Variants in CTNNA3 observed in about 807,000 individuals in gnomAD.
The protein encoded by CTNNA3 is catenin alpha 3.
CTNNA3 carries 76 observed loss-of-function variants against 95.7 expected under a neutral mutation model. That is an observed-to-expected ratio of 0.79 (90% CI 0.66 to 0.96). The LOEUF is 0.96. Ranked by LOEUF, CTNNA3 falls within the 40% of genes least tolerant of loss-of-function variation. The probability of loss-of-function intolerance (pLI) is 0.00; values close to 1 mark genes in which losing one functional copy is unlikely to be tolerated. For missense variants in CTNNA3, 1,191 were observed against 1,089.8 expected, an observed-to-expected ratio of 1.09 and a Z score of -1.31; for synonymous variants, 431 against 374.4, an observed-to-expected ratio of 1.15 and a Z score of -1.74.
At chr10:67,672,468 T>C (rs976782106) in intron 1 of CTNNA3, among the ~76,000 whole-genome samples, 1 of 152,218 alleles carries the variant, frequency 6.6e-6, no homozygotes, top group African/African-American at 2.4e-5. Context: ...GCCTAGGTTT[T>C]CTTCTAGGGT....
At chr10:66,507,717 T>C (rs1840500547) in intron 11 of CTNNA3, among the ~76,000 whole-genome samples, 1 of 152,126 alleles carries the variant, frequency 6.6e-6, no homozygotes, top group African/African-American at 2.4e-5. Flanking sequence ...TGTGTATATA[T>C]ATATATATTA....
chr10:67,487,440 C>A (rs778612645), intron 5 of CTNNA3, among the ~76,000 whole-genome samples: 1 of 152,098 alleles, frequency 6.6e-6, no homozygotes, highest in South Asian at 2.1e-4. Context: ...CTCTCAACTT[C>A]TGGCTGAGTC....
chr10:66,731,540 G>A lies in CTNNA3; in HGVS notation c.1281+34724C>T, dbSNP rs558062612. 2.6e-5 allele frequency among the ~76,000 whole-genome samples: 4 copies of A among 152,164 alleles called. No homozygotes were observed. In the South Asian group the frequency reaches 8.3e-4, roughly 32 times the overall value. ...CATTTTATCTGTAAACTGCTGCAAA[G>A]CTGTTAATAGCTAAGGACCTACAAC... On this transcript the variant is annotated intron_variant, in intron 9 of 17. Coordinates refer to ENST00000433211, the MANE Select transcript of CTNNA3 (RefSeq NM_013266.4).
chr10:66,204,955 T>C (rs2087667035), intron 13 of CTNNA3, among the ~76,000 whole-genome samples: 1 of 152,136 alleles, frequency 6.6e-6, no homozygotes, highest in South Asian at 2.1e-4. Flanking sequence ...TCCACAGAAT[T>C]AAGCTAAGAA....
intron 4 of CTNNA3, among the ~76,000 whole-genome samples, chr10:67,534,921 A>G (rs1190172706): frequency 6.6e-6 from 1 of 152,152 alleles, no homozygotes; most frequent in Admixed American, 6.5e-5. Context: ...GAGCAAGAAG[A>G]ACCCAGCAAC....
chr10:67,194,917 A>G (rs1863278797), intron 6 of CTNNA3, among the ~76,000 whole-genome samples: 1 of 151,952 alleles, frequency 6.6e-6, no homozygotes, highest in African/African-American at 2.4e-5. Flanking sequence ...TATTACAGAA[A>G]AGTCTTCTAG....
chr10:66,659,328 G>A (rs1377513288), intron 9 of CTNNA3, among the ~76,000 whole-genome samples: 1 of 152,124 alleles, frequency 6.6e-6, no homozygotes, highest in Non-Finnish European at 1.5e-5. Flanking sequence ...AGGTCTCTCT[G>A]AGGAGGTAAC....
intron 5 of CTNNA3, among the ~76,000 whole-genome samples, chr10:67,347,251 A>T (rs1465916112): frequency 6.6e-6 from 1 of 151,744 alleles, no homozygotes; most frequent in Admixed American, 6.6e-5. Context: ...TTTTGTAGAG[A>T]TGGGGTTTCA....
intron 7 of CTNNA3, among the ~76,000 whole-genome samples, chr10:66,789,766 T>C (rs190308620): frequency 3.9e-4 from 59 of 152,270 alleles, no homozygotes; most frequent in African/African-American, 1.3e-3. Flanking sequence ...GATAGTGATA[T>C]TCAAAATGTT....
intron 9 of CTNNA3, among the ~76,000 whole-genome samples, chr10:66,671,484 C>T (rs183062065): frequency 9.3e-4 from 141 of 152,172 alleles, no homozygotes; most frequent in Middle Eastern, 3.4e-3. Flanking sequence ...CAAATTCTTG[C>T]TGTGAATTTG....
rs187017665 is a variant in CTNNA3, at chr10:66,039,525, G to A, written c.2159+29783C>T. Among the ~76,000 whole-genome samples the A allele has an allele frequency of 3.0e-3, 459 of 152,276 alleles. 6 individuals are homozygous for A. The highest frequency in any genetic ancestry group is 5.5e-3 in the Non-Finnish European group (374 of 68,024). Reference sequence around the variant, plus strand: ...AACAGCATGGTAATGGTACAAAACAGATATTTAGACCAACTTAATAGAATA... The same window carrying A: ...AACAGCATGGTAATGGTACAAAACAAATATTTAGACCAACTTAATAGAATA... On this transcript the variant is annotated intron_variant, in intron 15 of 17. Transcript: ENST00000433211.
intron 7 of CTNNA3, among the ~76,000 whole-genome samples, chr10:67,132,133 G>A (rs1160671196): frequency 6.6e-6 from 1 of 152,078 alleles, no homozygotes; most frequent in Non-Finnish European, 1.5e-5. Flanking sequence ...GGTCTGATAG[G>A]CCAATAGGAT....
intron 7 of CTNNA3, among the ~76,000 whole-genome samples, chr10:66,913,164 G>A (rs1416566038): frequency 6.8e-6 from 1 of 147,686 alleles, no homozygotes; most frequent in Non-Finnish European, 1.5e-5. Context: ...GCGTGAACCC[G>A]GGAGGCGGAG....
intron 5 of CTNNA3, among the ~76,000 whole-genome samples, chr10:67,246,122 T>C: frequency 6.6e-6 from 1 of 152,220 alleles, no homozygotes; most frequent in Admixed American, 6.5e-5. Context: ...GCCAATTAGA[T>C]GGCAAGTTGT....
At chr10:67,502,256 G>C (rs565544810) in intron 5 of CTNNA3, among the ~76,000 whole-genome samples, 1 of 152,208 alleles carries the variant, frequency 6.6e-6, no homozygotes, top group South Asian at 2.1e-4. Flanking sequence ...GTGTTTGCTG[G>C]GGGTCCACTC....
chr10:66,283,599 T>A (rs1452476391), intron 12 of CTNNA3, among the ~76,000 whole-genome samples: 1 of 151,960 alleles, frequency 6.6e-6, no homozygotes, highest in Non-Finnish European at 1.5e-5. Flanking sequence ...AAGGGCCTTT[T>A]ACTAATAAAT....
chr10:66,470,551 A>C (rs946849275), intron 11 of CTNNA3, among the ~76,000 whole-genome samples: 4 of 151,976 alleles, frequency 2.6e-5, no homozygotes, highest in Non-Finnish European at 5.9e-5. Flanking sequence ...ATTCTAAAGC[A>C]GTTATAAACA....
At chr10:67,489,716 G>C (rs1004943481) in intron 5 of CTNNA3, among the ~76,000 whole-genome samples, 1 of 151,410 alleles carries the variant, frequency 6.6e-6, no homozygotes, top group Admixed American at 6.6e-5. Flanking sequence ...AGAAAGGGTA[G>C]AAATGGAGAA....
At chr10:66,461,673 T>TTA (rs146890107) in intron 11 of CTNNA3, among the ~76,000 whole-genome samples, 16,304 of 145,818 alleles carry the variant, frequency 0.11, 1,279 homozygotes, top group African/African-American at 0.23. Flanking sequence ...TGCACTCACG[T>TTA]TATATATATA....
Sources: allele counts gnomAD v4.1 joint callset (sites outside exome capture counted in the v4.1 genomes callset), GRCh38; gene constraint gnomAD v4.1.1; transcripts MANE v1.5; gene names NCBI Gene and HGNC (gene_info 2026-07-23, HGNC 2026-07-21).